The following SEM1 variants were observed in gnomAD, a reference collection of about 807,000 sequenced individuals.
SEM1 encodes 26S proteasome complex subunit SEM1.
A neutral mutation model predicts 12.7 loss-of-function variants in SEM1; 3 were observed. That is an observed-to-expected ratio of 0.24 (90% CI 0.11 to 0.61). The LOEUF is 0.61. Ranked by LOEUF, SEM1 falls within the 20% of genes least tolerant of loss-of-function variation. The pLI, the probability that SEM1 is intolerant of heterozygous loss-of-function variation, is 0.88. For synonymous variants in SEM1, 30 were observed against 27.8 expected, an observed-to-expected ratio of 1.08 and a Z score of -0.25; for missense variants, 59 against 81.3, an observed-to-expected ratio of 0.73 and a Z score of 1.06.
chr7:96,495,066 G>A (rs996352047), intron 1 of SEM1, among the ~76,000 whole-genome samples: 2 of 143,796 alleles, frequency 1.4e-5, no homozygotes, highest in African/African-American at 2.6e-5. Flanking sequence ...GGTGAAGAGA[G>A]AGCAAGAGGG....
At chr7:96,556,410 T>C (rs1462729623) in intron 2 of SEM1, among the ~76,000 whole-genome samples, 1 of 152,220 alleles carries the variant, frequency 6.6e-6, no homozygotes, top group Admixed American at 6.5e-5. Flanking sequence ...TCTTAGCATT[T>C]GCTTGTCTAT....
intron 2 of SEM1, among the ~76,000 whole-genome samples, chr7:96,527,704 T>C (rs372914467): frequency 1.3e-5 from 2 of 152,180 alleles, no homozygotes; most frequent in African/African-American, 4.8e-5. Flanking sequence ...ATCATTGTTA[T>C]TATTGCCACA....
intron 1 of SEM1, among the ~76,000 whole-genome samples, chr7:96,704,289 T>C (rs1790375530): frequency 1.3e-5 from 2 of 152,310 alleles, no homozygotes; most frequent in South Asian, 4.1e-4. Context: ...TGGTTATCAC[T>C]GGGACATAAA....
At chr7:96,498,682 A>G (rs1803390822), upstream of SEM1, among the ~76,000 whole-genome samples, 1 of 152,166 alleles carries the variant, frequency 6.6e-6, no homozygotes, top group African/African-American at 2.4e-5. Flanking sequence ...AGTTTGTCAA[A>G]TGATTGTTGT....
At chr7:96,530,878 G>C (rs1328401208) in intron 2 of SEM1, among the ~76,000 whole-genome samples, 2 of 151,990 alleles carry the variant, frequency 1.3e-5, no homozygotes, top group African/African-American at 4.8e-5. Context: ...GAGGGAAAAG[G>C]GATTCCTTGT....
intron 2 of SEM1, among the ~76,000 whole-genome samples, chr7:96,536,573 T>A (rs1044011914): frequency 1.3e-5 from 2 of 151,856 alleles, no homozygotes; most frequent in Non-Finnish European, 2.9e-5. Context: ...CTATTAGTTT[T>A]GCCTCATGTA....
At chr7:96,650,434 A>G (rs6465531) in intron 2 of SEM1, 195,623 of 723,444 alleles carry the variant, frequency 0.27, 29,667 homozygotes, top group African/African-American at 0.56. Flanking sequence ...ACCTCGCCCA[A>G]TGTGTCCTTC....
chr7:96,625,323 T>C (rs1315576890), intron 2 of SEM1, among the ~76,000 whole-genome samples: 6 of 152,176 alleles, frequency 3.9e-5, no homozygotes, highest in African/African-American at 1.4e-4. Flanking sequence ...TAGCATCATA[T>C]TTCCCCTCAA....
chr7:96,708,761 T>G (rs1490612577), intron 1 of SEM1, among the ~76,000 whole-genome samples: 1 of 152,196 alleles, frequency 6.6e-6, no homozygotes, highest in Non-Finnish European at 1.5e-5. Flanking sequence ...TTCTTAACCA[T>G]TCCGAGCTTC....
rs77760725 is a variant in SEM1 at position 96,539,211 on chromosome 7, C to T, written c.171-32513G>A. ...TTGAACCTTCAGTTAAGACCACAGA[C>T]TCTGGGCTAACACCTTGATTATAGA... is the stretch of plus-strand genomic sequence containing the variant. On this transcript the variant is annotated intron_variant and NMD_transcript_variant, in intron 2 of 3. Transcript: ENST00000466986. Among the ~76,000 whole-genome samples, 1,379 of 151,872 alleles carry T rather than the reference C, an allele frequency of 9.1e-3. 22 individuals are homozygous for T. The highest frequency in any genetic ancestry group is 0.032 in the African/African-American group (1,315 of 41,482).
intron 2 of SEM1, among the ~76,000 whole-genome samples, chr7:96,632,545 G>T (rs1333820059): frequency 6.6e-6 from 1 of 152,052 alleles, no homozygotes; most frequent in Non-Finnish European, 1.5e-5. Flanking sequence ...ACACACTGGG[G>T]CCTGTCAGGG....
intron 2 of SEM1, among the ~76,000 whole-genome samples, chr7:96,518,480 A>ATAC (rs1804166654): frequency 6.6e-6 from 1 of 152,124 alleles, no homozygotes; most frequent in Non-Finnish European, 1.5e-5. Flanking sequence ...TGTCTGTGGC[A>ATAC]TGTGTAGGCT....
At chr7:96,487,042 G>C (rs1802799655) in intron 1 of SEM1, among the ~76,000 whole-genome samples, 1 of 152,102 alleles carries the variant, frequency 6.6e-6, no homozygotes, top group Admixed American at 6.6e-5. Flanking sequence ...ACTATTTGAG[G>C]AAACGCTGGA....
chr7:96,619,693 C>T (rs147844940), downstream of SEM1, among the ~76,000 whole-genome samples: 48 of 152,096 alleles, frequency 3.2e-4, no homozygotes, highest in African/African-American at 1.0e-3. Flanking sequence ...AAGCAACCAC[C>T]GGGACCCAAG....
chr7:96,582,413 G>T (rs550421429), intron 2 of SEM1, among the ~76,000 whole-genome samples: 1 of 150,494 alleles, frequency 6.6e-6, no homozygotes, highest in Non-Finnish European at 1.5e-5. Flanking sequence ...TGTTCATCAA[G>T]GATATTGGTC....
chr7:96,673,837 A>G (rs779349788), exon 3 of SEM1: 32 of 765,076 alleles, frequency 4.2e-5, no homozygotes, highest in East Asian at 3.4e-4. Flanking sequence ...TCACAGACCA[A>G]TATCATCAGG....
At chr7:96,505,258 C>T (rs984242778) in intron 3 of SEM1, among the ~76,000 whole-genome samples, 2 of 152,046 alleles carry the variant, frequency 1.3e-5, no homozygotes, top group African/African-American at 2.4e-5. Context: ...CACACCACCA[C>T]GCCCAGCTAA....
chr7:96,632,978 GT>G (rs906299707), intron 2 of SEM1, among the ~76,000 whole-genome samples: 2 of 151,518 alleles, frequency 1.3e-5, no homozygotes, highest in African/African-American at 2.4e-5. Flanking sequence ...CTGGTGTAGA[GT>G]TTTTTTAATT....
intron 2 of SEM1, among the ~76,000 whole-genome samples, chr7:96,522,724 C>CCG (rs1554409860): frequency 4.0e-5 from 2 of 50,000 alleles, no homozygotes; most frequent in African/African-American, 1.3e-4. Flanking sequence ...CTAAAAATAC[C>CCG]CCCCCCCCAA....
Sources: allele counts gnomAD v4.1 joint callset (sites outside exome capture counted in the v4.1 genomes callset), GRCh38; gene constraint gnomAD v4.1.1; transcripts MANE v1.5; gene names NCBI Gene and HGNC (gene_info 2026-07-23, HGNC 2026-07-21).